INSR: variants seen among roughly 807,000 people sequenced by gnomAD.
INSR encodes insulin receptor.
Under a neutral mutation model 142.6 loss-of-function variants are expected in INSR, and 67 were observed. The observed-to-expected ratio is 0.47, with a 90% CI of 0.39 to 0.58. The LOEUF (loss-of-function observed/expected upper bound fraction) is 0.58, where lower values mean the gene tolerates loss of function less well. INSR is among the 20% of genes least tolerant of loss of function. The pLI, the probability that INSR is intolerant of heterozygous loss-of-function variation, is 0.00. For missense variants in INSR, 1,248 were observed against 1,833.2 expected (o/e 0.68, Z 5.83); for synonymous variants, 756 against 743.1 (o/e 1.02, Z -0.28).
At position 7,116,616 on chromosome 19, in the gene INSR, G is replaced by A. The variant is rs1490225110; in HGVS notation, c.*440C>T. On this transcript the variant is annotated 3_prime_UTR_variant, in exon 22 of 22. Coordinates refer to ENST00000302850, the MANE Select transcript of INSR (RefSeq NM_000208.4). ...CTTGAAATTCTCCTGGAACAGGGCTGGGTGTTTTTGTTTTGTTTTTTCTTT... is the reference window on the plus strand; with the variant it reads ...CTTGAAATTCTCCTGGAACAGGGCTAGGTGTTTTTGTTTTGTTTTTTCTTT... 1 of 127,852 alleles carries A rather than the reference G, an allele frequency of 7.8e-6. No individual in the cohort carries two copies. Among genetic ancestry groups the A allele is most frequent in the African/African-American group, 2.9e-5 (1 of 34,486 alleles). The allele number at this position is 127,852 out of a possible 1,614,324, so 7.9% of individuals were successfully genotyped here. A position where few individuals can be genotyped will look rare whatever the true frequency, so the allele number is the denominator to read the frequency against.
intron 1 of INSR, among the ~76,000 whole-genome samples, chr19:7,282,018 G>C (rs1968214596): frequency 6.6e-6 from 1 of 152,132 alleles, no homozygotes; most frequent in Non-Finnish European, 1.5e-5. Context: ...GTCTGTACGT[G>C]GCACCGCAGG....
intron 2 of INSR, among the ~76,000 whole-genome samples, chr19:7,229,332 A>ATGGATG (rs1568204425): frequency 1.2e-4 from 10 of 81,896 alleles, no homozygotes; most frequent in Admixed American, 4.2e-4. Flanking sequence ...ATGGATGGAT[A>ATGGATG]GATGGATGGA....
intron 2 of INSR, among the ~76,000 whole-genome samples, chr19:7,257,930 C>T (rs1476267820): frequency 6.6e-6 from 1 of 152,224 alleles, no homozygotes; most frequent in Non-Finnish European, 1.5e-5. Context: ...TCAAGTGATT[C>T]TCCTGCCTCA....
intron 1 of INSR, among the ~76,000 whole-genome samples, chr19:7,277,441 C>T (rs532822069): frequency 2.6e-5 from 4 of 151,952 alleles, no homozygotes; most frequent in South Asian, 4.1e-4. Context: ...AAAGGAAAGA[C>T]GCACCTAAAT....
chr19:7,120,863 C>G, intron 19 of INSR, 114 bp from the exon 20 acceptor site: 1 of 1,334,822 alleles, frequency 7.5e-7, no homozygotes, highest in Non-Finnish European at 1.1e-6. Context: ...TGGCCCACGT[C>G]TGCGCTCACC....
chr19:7,274,201 A>T (rs1967999097), intron 1 of INSR, among the ~76,000 whole-genome samples: 1 of 151,832 alleles, frequency 6.6e-6, no homozygotes, highest in South Asian at 2.1e-4. Flanking sequence ...TTAGATTCTC[A>T]TAAGGAGCAG....
chr19:7,114,047 C>CAAAAA lies in INSR; in HGVS notation c.*3004_*3008dup, dbSNP rs72149315. On this transcript the variant is annotated 3_prime_UTR_variant, in exon 22 of 22. Coordinates refer to ENST00000302850, the MANE Select transcript of INSR (RefSeq NM_000208.4). ...AACACAGAGGTCCAAGGTGTTGTTG[C>CAAAAA]AAAAAAAAAAAAAAAAAAAAAAAAA... is the stretch of plus-strand genomic sequence containing the variant. The CAAAAA allele has an allele frequency of 1.4e-4, 9 of 65,502 alleles. No homozygotes were observed. Among genetic ancestry groups the CAAAAA allele is most frequent in the Non-Finnish European group, 1.9e-4 (7 of 36,332 alleles). 4.1% of individuals were successfully genotyped at this position (65,502 alleles called of 1,614,324 possible).
chr19:7,161,737 T>TGAG (rs1973753982), intron 9 of INSR, among the ~76,000 whole-genome samples: 1 of 151,598 alleles, frequency 6.6e-6, no homozygotes, highest in African/African-American at 2.4e-5. Context: ...CCCATCAGTG[T>TGAG]GAGGAGGGAT....
chr19:7,220,829 C>G (rs957718003), intron 2 of INSR, among the ~76,000 whole-genome samples: 6 of 152,088 alleles, frequency 3.9e-5, no homozygotes, highest in Non-Finnish European at 8.8e-5. Flanking sequence ...GAATATTTGT[C>G]CCCTCCAAAA....
chr19:7,157,421 T>C (rs1973623784), intron 9 of INSR, among the ~76,000 whole-genome samples: 1 of 105,528 alleles, frequency 9.5e-6, no homozygotes, highest in African/African-American at 3.6e-5. Context: ...AGCCGATTTT[T>C]GTATTTTTTT....
chr19:7,131,112 TC>T (rs1475741905), intron 14 of INSR, among the ~76,000 whole-genome samples: 1 of 151,224 alleles, frequency 6.6e-6, no homozygotes, highest in Non-Finnish European at 1.5e-5. Flanking sequence ...ACTCCTGACC[TC>T]AAGTGATCCG....
At chr19:7,203,003 T>TG (rs58887346) in intron 2 of INSR, among the ~76,000 whole-genome samples, 58,508 of 148,664 alleles carry the variant, frequency 0.39, 11,808 homozygotes, top group East Asian at 0.46. Flanking sequence ...GTTGTTTTTT[T>TG]TTTTTTTTTT....
In INSR at chr19:7,117,050, G is replaced by A. The variant is rs1415045933; in HGVS notation, c.*6C>T. 3 of 1,610,780 alleles carry A rather than the reference G, an allele frequency of 1.9e-6. No homozygotes were observed. Among genetic ancestry groups the A allele is most frequent in the Non-Finnish European group, 1.7e-6 (2 of 1,176,996 alleles). On this transcript the variant is annotated 3_prime_UTR_variant, in exon 22 of 22. Transcript: ENST00000302850. ...CCCCTGCCCGCCCCCGCCACGGTAG[G>A]CACTGTTAGGAAGGATTGGACCGAG...
chr19:7,215,494 G>A (rs1278421680), intron 2 of INSR, among the ~76,000 whole-genome samples: 1 of 151,006 alleles, frequency 6.6e-6, no homozygotes, highest in African/African-American at 2.4e-5. Flanking sequence ...AAGACTCAAA[G>A]CAAAATGCCT....
chr19:7,229,328 GGATA>G (rs541334413), intron 2 of INSR, among the ~76,000 whole-genome samples: 1,731 of 64,818 alleles, frequency 0.027, 32 homozygotes, highest in African/African-American at 0.08. Context: ...ATGGATGGAT[GGATA>G]GATGGATGGA....
At chr19:7,231,787 T>C (rs1437812223) in intron 2 of INSR, among the ~76,000 whole-genome samples, 1 of 151,514 alleles carries the variant, frequency 6.6e-6, no homozygotes, top group Non-Finnish European at 1.5e-5. Context: ...TTTTTTTTTT[T>C]TAATTATAGA....
At chr19:7,122,402 C>G (rs993574284) in intron 19 of INSR, among the ~76,000 whole-genome samples, 2 of 151,958 alleles carry the variant, frequency 1.3e-5, no homozygotes, top group Non-Finnish European at 2.9e-5. Flanking sequence ...GAGATCACAC[C>G]ACTGCACTCC....
At chr19:7,270,334 C>CTT (rs1967877901) in intron 1 of INSR, among the ~76,000 whole-genome samples, 1 of 80,076 alleles carries the variant, frequency 1.2e-5, no homozygotes, top group Admixed American at 1.8e-4. Flanking sequence ...CTCTCTCTCT[C>CTT]TCTCTCACAC....
chr19:7,136,997 T>C (rs1972945568), intron 13 of INSR, among the ~76,000 whole-genome samples: 1 of 151,704 alleles, frequency 6.6e-6, no homozygotes, highest in Admixed American at 6.6e-5. Context: ...CACGCCCGGC[T>C]AATTTTTGTA....
Sources: allele counts gnomAD v4.1 joint callset (sites outside exome capture counted in the v4.1 genomes callset), GRCh38; gene constraint gnomAD v4.1.1; transcripts MANE v1.5; gene names NCBI Gene and HGNC (gene_info 2026-07-23, HGNC 2026-07-21).